The following RALGAPA2 variants were observed in gnomAD, a reference collection of about 807,000 sequenced individuals.
RALGAPA2 encodes the protein Ral GTPase activating protein catalytic subunit alpha 2.
RALGAPA2 carries 139 observed loss-of-function variants against 230.4 expected under a neutral mutation model. The ratio of observed to expected loss-of-function variants is 0.60; its 90% CI spans 0.53 to 0.69. RALGAPA2 has a LOEUF of 0.69. RALGAPA2 is among the 30% of genes least tolerant of loss of function. The pLI is 0.00. For synonymous variants in RALGAPA2, 847 were observed against 837.8 expected (o/e 1.01, Z -0.19); for missense variants, 2,163 against 2,276.0 (o/e 0.95, Z 1.01).
At chr20:20,506,330 T>G (rs2062532967) in intron 33 of RALGAPA2, among the ~76,000 whole-genome samples, 1 of 152,310 alleles carries the variant, frequency 6.6e-6, no homozygotes, top group East Asian at 1.9e-4. Context: ...ATAGTAGGTG[T>G]TCAGTTAAGT....
intron 10 of RALGAPA2, among the ~76,000 whole-genome samples, chr20:20,626,166 T>C (rs2066484408): frequency 6.6e-6 from 1 of 152,232 alleles, no homozygotes. Flanking sequence ...TAAACATCTG[T>C]GAATCTTAAT....
At chr20:20,495,055 A>G (rs958734179) in intron 36 of RALGAPA2, 62 bp downstream of exon 36, 4 of 1,387,580 alleles carry the variant, frequency 2.9e-6, no homozygotes, top group Admixed American at 2.0e-5. Context: ...CTGATTTTCA[A>G]TGACAATGAA....
chr20:20,529,265 C>A (rs2063307552), intron 27 of RALGAPA2, among the ~76,000 whole-genome samples: 1 of 152,194 alleles, frequency 6.6e-6, no homozygotes, highest in Non-Finnish European at 1.5e-5. Context: ...GTCCTCTTCT[C>A]TTTTGCTGCT....
intron 37 of RALGAPA2, among the ~76,000 whole-genome samples, chr20:20,449,503 G>A (rs546727661): frequency 6.6e-6 from 1 of 152,354 alleles, no homozygotes; most frequent in African/African-American, 2.4e-5. Flanking sequence ...GATGCAAAAT[G>A]TCAGGTACTT....
rs536517126 is a variant in RALGAPA2, at chr20:20,499,026, T to A, written c.5209-3751A>T. Among the ~76,000 whole-genome samples, 3 of 152,296 alleles carry A rather than the reference T, an allele frequency of 2.0e-5. No homozygotes were observed. In the East Asian group the frequency reaches 5.8e-4, roughly 29 times the overall value. On this transcript the variant is annotated intron_variant, in intron 35 of 39. Transcript: ENST00000202677. ...TTGCAGAATTGAAAAAGTCCCCCCA[T>A]GATGGGGGCAGAAGAGAGCATGAAT...
chr20:20,629,676 T>A, intron 9 of RALGAPA2, 86 bp from the exon 10 acceptor site: 2 of 1,357,936 alleles, frequency 1.5e-6, no homozygotes, highest in Non-Finnish European at 2.1e-6. Flanking sequence ...TTGTTTTAAG[T>A]AACTCTGGTT....
At position 20,572,881 on chromosome 20, in the gene RALGAPA2, T is replaced by C; in HGVS notation, c.2895A>G (p.Leu965=). 3.9e-6 allele frequency: 6 copies of C among 1,530,634 alleles called. No homozygotes were observed. Among genetic ancestry groups the C allele is most frequent in the Non-Finnish European group, 5.3e-6 (6 of 1,132,652 alleles). 94.8% of individuals were successfully genotyped at this position (1,530,634 alleles called of 1,614,324 possible). A position where few individuals can be genotyped will look rare whatever the true frequency, so the allele number is the denominator to read the frequency against. Residue 965 remains leucine, a synonymous_variant, in exon 21 of 40, where the codon CTA becomes CTG. Transcript: ENST00000202677. ...FCYLYELWYK[L]AKIRDNLAIS... ...GTAACATAGCAGAACTTACCTTTGC[T>C]AGTTTGTACCAGAGTTCATAGAGAT...
At chr20:20,527,670 G>C (rs993036008) in intron 27 of RALGAPA2, among the ~76,000 whole-genome samples, 6 of 151,462 alleles carry the variant, frequency 4.0e-5, no homozygotes, top group African/African-American at 1.5e-4. Flanking sequence ...TCCCCTATTA[G>C]ATCTCCTTCA....
At chr20:20,605,565 T>C (rs2065794556) in intron 14 of RALGAPA2, among the ~76,000 whole-genome samples, 153 bp from the exon 15 acceptor site, 1 of 152,222 alleles carries the variant, frequency 6.6e-6, no homozygotes, top group African/African-American at 2.4e-5. Context: ...CAAAATTCAT[T>C]TGACCAACTA....
intron 17 of RALGAPA2, among the ~76,000 whole-genome samples, chr20:20,590,871 T>C (rs772132938): frequency 2.6e-5 from 4 of 152,160 alleles, no homozygotes; most frequent in Non-Finnish European, 4.4e-5. Flanking sequence ...CTTGACTTCA[T>C]GTTGTAACAG....
chr20:20,530,256 G>A (rs2063332720), intron 27 of RALGAPA2, among the ~76,000 whole-genome samples: 1 of 152,216 alleles, frequency 6.6e-6, no homozygotes, highest in African/African-American at 2.4e-5. Context: ...CAGCTCTGCG[G>A]ATTAAACTTG....
intron 14 of RALGAPA2, 126 bp from the exon 15 acceptor site, chr20:20,605,538 G>A: frequency 1.3e-6 from 1 of 773,642 alleles, no homozygotes; most frequent in Admixed American, 3.0e-5. Context: ...TTTGGAAGTT[G>A]TTTTTCTTTT....
intron 16 of RALGAPA2, among the ~76,000 whole-genome samples, chr20:20,596,049 C>A (rs1223051524): frequency 2.0e-5 from 3 of 151,962 alleles, no homozygotes; most frequent in African/African-American, 7.2e-5. Flanking sequence ...AAAAGAAAAT[C>A]ACAAAAAGTG....
intron 23 of RALGAPA2, among the ~76,000 whole-genome samples, chr20:20,551,828 TTTTG>T (rs2145758945): frequency 6.6e-6 from 1 of 152,350 alleles, no homozygotes; most frequent in African/African-American, 2.4e-5. Context: ...TGTAAAATAA[TTTTG>T]TTTATTATGG....
At position 20,573,037 on chromosome 20, in the gene RALGAPA2, A is replaced by G. The variant is rs1431894276; in HGVS notation, c.2739T>C (p.Ser913=). ...CAGTGAGGCTCCCCCCGGCGATTAT[A>G]CTACAGTCATCTGTGAGGCACTCGC... ...DSSECLTDDC[S]IIAGGSLTGW... The change falls in exon 21 of 40, where the codon AGT becomes AGC. Residue 913 remains serine (S), a synonymous_variant. Coordinates refer to ENST00000202677, the MANE Select transcript of RALGAPA2 (RefSeq NM_020343.4). 6 of 1,609,568 alleles carry G rather than the reference A, an allele frequency of 3.7e-6. No individual in the cohort carries two copies. The highest frequency in any genetic ancestry group is 5.1e-6 in the Non-Finnish European group (6 of 1,177,906).
Position 20,546,739 on chromosome 20 carries a change from C to T in RALGAPA2, c.3250G>A (p.Ala1084Thr), listed in dbSNP as rs772547663. The T allele has an allele frequency of 2.5e-6, 4 of 1,611,308 alleles. No homozygotes were observed. In the South Asian group the frequency reaches 3.3e-5, roughly 13 times the overall value. Residue 1084 changes from alanine to threonine, a missense_variant, in exon 24 of 40, where the codon GCC (alanine) becomes ACC (threonine). Transcript: ENST00000202677. ...FSMLVGDFIT[A>T]AARVLSTDIL... ...TCTGTGCTAAGGACCCTGGCAGCGGCCGTGATGAAGTCCCCCACCAGCATT... is the reference window on the plus strand; with the variant it reads ...TCTGTGCTAAGGACCCTGGCAGCGGTCGTGATGAAGTCCCCCACCAGCATT...
chr20:20,662,892 A>C (rs1442299816), intron 3 of RALGAPA2, among the ~76,000 whole-genome samples: 2 of 152,222 alleles, frequency 1.3e-5, no homozygotes, highest in African/African-American at 2.4e-5. Flanking sequence ...CCAGGCAAGG[A>C]AGAGCATTTC....
intron 23 of RALGAPA2, among the ~76,000 whole-genome samples, chr20:20,559,668 C>CTT (rs11480278): frequency 1.3e-5 from 2 of 151,072 alleles, no homozygotes; most frequent in African/African-American, 4.9e-5. Flanking sequence ...CTAAAAACAA[C>CTT]TTTTTTTTTA....
intron 8 of RALGAPA2, among the ~76,000 whole-genome samples, chr20:20,636,989 T>A (rs1406145518): frequency 6.6e-6 from 1 of 152,212 alleles, no homozygotes; most frequent in Non-Finnish European, 1.5e-5. Flanking sequence ...TGCCTTGGGC[T>A]GGCCTCCAGT....
Sources: allele counts gnomAD v4.1 joint callset (sites outside exome capture counted in the v4.1 genomes callset), GRCh38; gene constraint gnomAD v4.1.1; transcripts MANE v1.5; gene names NCBI Gene and HGNC (gene_info 2026-07-23, HGNC 2026-07-21).